The following NKAIN2 variants were observed in gnomAD, a reference collection of about 807,000 sequenced individuals.
NKAIN2 encodes the protein sodium/potassium-transporting ATPase subunit beta-1-interacting protein 2.
Under a neutral mutation model 32.6 loss-of-function variants are expected in NKAIN2, and 14 were observed. The ratio of observed to expected loss-of-function variants is 0.43; its 90% CI spans 0.28 to 0.67. NKAIN2 has a LOEUF of 0.67. Ranked by LOEUF, NKAIN2 falls within the 30% of genes least tolerant of loss-of-function variation. NKAIN2 has a pLI of 0.17. For synonymous variants in NKAIN2, 80 were observed against 87.2 expected (o/e 0.92, Z 0.46); for missense variants, 198 against 258.3 (o/e 0.77, Z 1.60).
chr6:124,217,490 A>G (rs1366734152), intron 1 of NKAIN2, among the ~76,000 whole-genome samples: 2 of 152,106 alleles, frequency 1.3e-5, no homozygotes, highest in Admixed American at 6.6e-5. Context: ...AAATTATACT[A>G]AAAACGATCT....
chr6:124,672,332 A>G (rs1372081922), intron 4 of NKAIN2, among the ~76,000 whole-genome samples: 1 of 152,036 alleles, frequency 6.6e-6, no homozygotes, highest in Non-Finnish European at 1.5e-5. Context: ...GGAGTGTCCA[A>G]TGTGGGAATT....
intron 1 of NKAIN2, among the ~76,000 whole-genome samples, chr6:124,028,976 G>A (rs1245653598): frequency 2.7e-5 from 4 of 146,752 alleles, no homozygotes; most frequent in Non-Finnish European, 6.0e-5. Context: ...CTTGTTCAAA[G>A]CAACCAGAAA....
intron 1 of NKAIN2, among the ~76,000 whole-genome samples, chr6:124,057,418 G>C (rs1267714525): frequency 6.6e-6 from 1 of 152,008 alleles, no homozygotes; most frequent in African/African-American, 2.4e-5. Flanking sequence ...AATTTAGTGG[G>C]AAATGGTAGT....
intron 1 of NKAIN2, among the ~76,000 whole-genome samples, chr6:124,125,950 G>A (rs1451589565): frequency 6.6e-6 from 1 of 152,058 alleles, no homozygotes; most frequent in African/African-American, 2.4e-5. Flanking sequence ...TTCTTGAAGT[G>A]TTTCGCTCTT....
chr6:124,802,004 G>T (rs747142400), intron 5 of NKAIN2, among the ~76,000 whole-genome samples: 5 of 152,134 alleles, frequency 3.3e-5, no homozygotes, highest in Non-Finnish European at 7.3e-5. Context: ...CAATAAAAAT[G>T]TTAGAGTAAC....
intron 1 of NKAIN2, among the ~76,000 whole-genome samples, chr6:124,164,012 C>A (rs1441510393): frequency 4.6e-5 from 7 of 151,974 alleles, no homozygotes; most frequent in South Asian, 2.1e-4. Context: ...GCTCAGTCAC[C>A]AATGGATAGT....
intron 3 of NKAIN2, among the ~76,000 whole-genome samples, chr6:124,476,190 T>C (rs1365645792): frequency 2.0e-5 from 3 of 151,776 alleles, no homozygotes; most frequent in African/African-American, 7.3e-5. Context: ...TGGCAAAATA[T>C]GGAAATCGTT....
At chr6:124,544,162 G>T (rs1430419156) in intron 3 of NKAIN2, among the ~76,000 whole-genome samples, 3 of 152,100 alleles carry the variant, frequency 2.0e-5, no homozygotes, top group African/African-American at 4.8e-5. Context: ...ACTTTCTTGT[G>T]AGAGACCCAG....
chr6:124,475,737 T>G (rs2114685114), intron 3 of NKAIN2, among the ~76,000 whole-genome samples: 1 of 152,254 alleles, frequency 6.6e-6, no homozygotes, highest in East Asian at 1.9e-4. Context: ...TAGTTCTGAT[T>G]CAAAGGCTTT....
At chr6:124,326,149 T>A (rs1797401431) in intron 2 of NKAIN2, among the ~76,000 whole-genome samples, 1 of 124,890 alleles carries the variant, frequency 8.0e-6, no homozygotes, top group Admixed American at 8.3e-5. Context: ...TTCTGAAGGA[T>A]TTTTTTTTTC....
chr6:124,444,898 A>G (rs928403049), intron 3 of NKAIN2, among the ~76,000 whole-genome samples: 1 of 152,058 alleles, frequency 6.6e-6, no homozygotes, highest in Non-Finnish European at 1.5e-5. Flanking sequence ...TTGCTGAAGG[A>G]TGTATGTACA....
rs548422721 is a variant in NKAIN2, at chr6:124,254,038, T to A, written c.55-28967T>A. Among the ~76,000 whole-genome samples the A allele has an allele frequency of 1.2e-3, 185 of 151,842 alleles. 1 individual carries two copies. Among genetic ancestry groups the A allele is most frequent in the African/African-American group, 4.3e-3 (178 of 41,420 alleles). The stretch of plus-strand genomic sequence containing the variant: ...CACAATGTTGGCCAAGATGGTCTCG[T>A]TCTCTTGACCTCGTGATCCGCCCGC... On this transcript the variant is annotated intron_variant, in intron 1 of 6. Coordinates refer to ENST00000368417, the MANE Select transcript of NKAIN2 (RefSeq NM_001040214.3).
At chr6:124,694,357 T>C (rs1255933104) in intron 4 of NKAIN2, among the ~76,000 whole-genome samples, 1 of 152,198 alleles carries the variant, frequency 6.6e-6, no homozygotes, top group Non-Finnish European at 1.5e-5. Context: ...GTTCATTAAA[T>C]CCACCCCCCA....
chr6:124,391,777 G>A (rs1773153272), intron 3 of NKAIN2, among the ~76,000 whole-genome samples: 1 of 152,108 alleles, frequency 6.6e-6, no homozygotes, highest in South Asian at 2.1e-4. Context: ...ACTTTTGGTG[G>A]TGCTCAAAAC....
At chr6:123,969,067 G>A (rs1688938991) in intron 1 of NKAIN2, among the ~76,000 whole-genome samples, 1 of 152,038 alleles carries the variant, frequency 6.6e-6, no homozygotes, top group Admixed American at 6.6e-5. Context: ...GCCTTTACCT[G>A]GAGGTATAGG....
intron 1 of NKAIN2, among the ~76,000 whole-genome samples, chr6:123,995,825 C>G (rs2114699732): frequency 6.6e-6 from 1 of 152,238 alleles, no homozygotes; most frequent in Middle Eastern, 3.4e-3. Flanking sequence ...AGTTGAAAGC[C>G]TCCAACAGAA....
At chr6:124,293,800 A>G (rs1341195913) in intron 2 of NKAIN2, among the ~76,000 whole-genome samples, 1 of 152,072 alleles carries the variant, frequency 6.6e-6, no homozygotes, top group Non-Finnish European at 1.5e-5. Context: ...AATATCTCGT[A>G]AGAGAAAAGT....
At chr6:124,381,266 A>G (rs1317374380) in intron 3 of NKAIN2, among the ~76,000 whole-genome samples, 2 of 75,360 alleles carry the variant, frequency 2.7e-5, no homozygotes, top group African/African-American at 6.5e-5. Flanking sequence ...TTAACATAGC[A>G]GAGTTATTAC....
chr6:123,825,181 A>T (rs890133089), intron 1 of NKAIN2, among the ~76,000 whole-genome samples: 9 of 152,106 alleles, frequency 5.9e-5, no homozygotes, highest in Non-Finnish European at 7.4e-5. Flanking sequence ...CCCTGCCGTC[A>T]TGACCTCATC....
Sources: gnomAD v4.1 joint callset for allele counts (sites outside exome capture counted in the v4.1 genomes callset) on GRCh38, gnomAD v4.1.1 for gene constraint, MANE v1.5 for transcripts, NCBI Gene and HGNC (gene_info 2026-07-23, HGNC 2026-07-21) for gene names.